The following CERS3 variants were observed in gnomAD, a reference collection of about 807,000 sequenced individuals.
CERS3 encodes ceramide synthase 3.
Under a neutral mutation model 50.3 loss-of-function variants are expected in CERS3, and 33 were observed. The ratio of observed to expected loss-of-function variants is 0.66; its 90% CI spans 0.50 to 0.88. The LOEUF (loss-of-function observed/expected upper bound fraction) is 0.88. CERS3 is among the 40% of genes least tolerant of loss of function. The pLI, the probability that CERS3 is intolerant of heterozygous loss-of-function variation, is 0.00. For synonymous variants in CERS3, 176 were observed against 155.2 expected, an observed-to-expected ratio of 1.13 and a Z score of -0.99; for missense variants, 470 against 460.3, an observed-to-expected ratio of 1.02 and a Z score of -0.19.
chr15:100,488,639 G>A (rs373339267), intron 4 of CERS3, among the ~76,000 whole-genome samples: 17 of 152,130 alleles, frequency 1.1e-4, no homozygotes, highest in African/African-American at 4.1e-4. Flanking sequence ...ACATTTTGCT[G>A]GCCAAATTAT....
At chr15:100,407,033 C>A (rs2031094048) in intron 11 of CERS3, among the ~76,000 whole-genome samples, 1 of 152,138 alleles carries the variant, frequency 6.6e-6, no homozygotes. Context: ...ACGGGAAAGA[C>A]CCACTCCCAT....
intron 11 of CERS3, among the ~76,000 whole-genome samples, chr15:100,449,912 C>A (rs972885823): frequency 1.3e-5 from 2 of 151,940 alleles, no homozygotes; most frequent in Non-Finnish European, 2.9e-5. Flanking sequence ...CTTAAGATAT[C>A]CCTGAAAAAG....
intron 3 of CERS3, among the ~76,000 whole-genome samples, chr15:100,498,918 T>C (rs1402705699): frequency 1.3e-5 from 2 of 152,220 alleles, no homozygotes; most frequent in African/African-American, 2.4e-5. Flanking sequence ...GAACAAAATA[T>C]TGCGAGCAAA....
chr15:100,541,936 AC>A (rs1297193173), intron 1 of CERS3, among the ~76,000 whole-genome samples: 1 of 152,204 alleles, frequency 6.6e-6, no homozygotes, highest in Non-Finnish European at 1.5e-5. Flanking sequence ...AAAATGGGAT[AC>A]TAGTCATTTA....
At chr15:100,417,719 C>A (rs995865369) in intron 11 of CERS3, among the ~76,000 whole-genome samples, 1 of 151,890 alleles carries the variant, frequency 6.6e-6, no homozygotes, top group Admixed American at 6.5e-5. Context: ...TCTCCCAGCA[C>A]GCAGCTGGAG....
intron 8 of CERS3, among the ~76,000 whole-genome samples, chr15:100,473,717 G>A (rs1042414714): frequency 2.0e-5 from 3 of 152,204 alleles, no homozygotes; most frequent in African/African-American, 7.2e-5. Context: ...AAATGGTGTA[G>A]CTGCTTTGTT....
chr15:100,469,920 T>A (rs1460958959), intron 9 of CERS3, among the ~76,000 whole-genome samples: 1 of 151,616 alleles, frequency 6.6e-6, no homozygotes, highest in South Asian at 2.1e-4. Flanking sequence ...AATGCTGCAG[T>A]CAAGGAGGCT....
intron 11 of CERS3, among the ~76,000 whole-genome samples, chr15:100,451,509 C>T (rs934844808): frequency 3.9e-5 from 6 of 152,206 alleles, no homozygotes; most frequent in South Asian, 2.1e-4. Context: ...TGAGACCATC[C>T]GGGCTAACAT....
intron 11 of CERS3, among the ~76,000 whole-genome samples, chr15:100,420,144 T>G (rs1236546808): frequency 6.7e-6 from 1 of 148,240 alleles, no homozygotes; most frequent in Non-Finnish European, 1.5e-5. Flanking sequence ...ATCCAGGAGC[T>G]GGTTTTTTGA....
At chr15:100,415,782 G>A (rs113479256) in intron 11 of CERS3, among the ~76,000 whole-genome samples, 4 of 123,710 alleles carry the variant, frequency 3.2e-5, no homozygotes, top group South Asian at 2.6e-4. Context: ...ACACACCAGG[G>A]CCTGTCGGGG....
intron 2 of CERS3, among the ~76,000 whole-genome samples, chr15:100,505,209 A>G (rs937935197): frequency 7.2e-5 from 11 of 152,220 alleles, no homozygotes; most frequent in African/African-American, 2.7e-4. Context: ...CCCCAATATT[A>G]TTATAATCAC....
Position 100,473,026 on chromosome 15 carries a change from G to A in CERS3, c.636C>T (p.His212=), listed in dbSNP as rs748253520. The change falls in exon 9 of 12, where the codon CAC becomes CAT. Residue 212 remains histidine (H), a synonymous_variant. Coordinates refer to ENST00000679737, the MANE Select transcript of CERS3 (RefSeq NM_001378789.1). Reference sequence around the variant, plus strand: ...AGCTCATCAGACTAATAGCAGCCAGGTGGTGGATGATATGAGCTAGAAAAT... The same window carrying A: ...AGCTCATCAGACTAATAGCAGCCAGATGGTGGATGATATGAGCTAGAAAAT... The part of the protein sequence containing the change: ...RKDFLAHIIH[H]LAAISLMSFS... 1.9e-6 allele frequency: 3 copies of A among 1,613,712 alleles called. No homozygotes were observed. The highest frequency in any genetic ancestry group is 1.7e-6 in the Non-Finnish European group (2 of 1,179,862).
chr15:100,543,655 C>T (rs1042746018), intron 1 of CERS3, among the ~76,000 whole-genome samples: 6 of 151,840 alleles, frequency 4.0e-5, no homozygotes, highest in Non-Finnish European at 7.4e-5. Context: ...TCAGCCTCCC[C>T]AGTAGCTGGG....
rs368825737 is a variant in CERS3 at position 100,400,911 on chromosome 15, A to G, written c.*1802T>C. ...TCATATTATGCATATAATGCATATG[A>G]TATTGTCCTCATAAAAGCAAATGTT... On this transcript the variant is annotated 3_prime_UTR_variant, in exon 12 of 12. Transcript: ENST00000679737. The G allele has an allele frequency of 5.3e-4, 81 of 152,260 alleles. No individual in the cohort carries two copies. Among genetic ancestry groups the G allele is most frequent in the African/African-American group, 1.9e-3 (78 of 41,560 alleles). The allele number at this position is 152,260 out of a possible 1,614,324, so 9.4% of individuals were successfully genotyped here.
chr15:100,418,297 A>G (rs915553645), intron 11 of CERS3, among the ~76,000 whole-genome samples: 100 of 150,280 alleles, frequency 6.7e-4, no homozygotes, highest in African/African-American at 2.3e-3. Flanking sequence ...GAAGCCTCAG[A>G]AGCCGATGCG....
intron 10 of CERS3, among the ~76,000 whole-genome samples, chr15:100,459,265 A>G (rs961625157): frequency 6.6e-6 from 1 of 152,184 alleles, no homozygotes; most frequent in African/African-American, 2.4e-5. Context: ...AATGTTCATT[A>G]TATTAGAAAG....
At chr15:100,423,087 A>T (rs968981146) in intron 11 of CERS3, among the ~76,000 whole-genome samples, 10 of 107,578 alleles carry the variant, frequency 9.3e-5, no homozygotes, top group African/African-American at 1.5e-4. Context: ...AAAGTATAAT[A>T]AAAAAAAAAT....
intron 11 of CERS3, among the ~76,000 whole-genome samples, chr15:100,443,614 C>T (rs1365244612): frequency 2.0e-5 from 3 of 148,174 alleles, no homozygotes. Context: ...CTGACCCTGA[C>T]ACCCATCAGG....
intron 11 of CERS3, among the ~76,000 whole-genome samples, chr15:100,410,328 A>G (rs2031382383): frequency 1.3e-5 from 2 of 152,202 alleles, no homozygotes; most frequent in African/African-American, 4.8e-5. Flanking sequence ...GACAAATATT[A>G]TCAGCTTGGC....
Sources: gnomAD v4.1 joint callset for allele counts (sites outside exome capture counted in the v4.1 genomes callset) on GRCh38, gnomAD v4.1.1 for gene constraint, MANE v1.5 for transcripts, NCBI Gene and HGNC (gene_info 2026-07-23, HGNC 2026-07-21) for gene names.